Variants in ZBTB40 observed in about 807,000 individuals in gnomAD.
ZBTB40 encodes the protein zinc finger and BTB domain-containing protein 40.
In ZBTB40, 60 loss-of-function variants were observed where a neutral mutation model predicts 117.5. The ratio of observed to expected loss-of-function variants is 0.51; its 90% CI spans 0.41 to 0.63. The LOEUF (loss-of-function observed/expected upper bound fraction) is 0.63, where lower values mean the gene tolerates loss of function less well. ZBTB40 is among the 30% of genes least tolerant of loss of function. The probability of loss-of-function intolerance (pLI) is 0.00; values close to 1 mark genes in which losing one functional copy is unlikely to be tolerated. For synonymous variants in ZBTB40, 525 were observed against 577.1 expected (o/e 0.91, Z 1.29); for missense variants, 1,287 against 1,498.5 (o/e 0.86, Z 2.33).
intron 1 of ZBTB40, among the ~76,000 whole-genome samples, chr1:22,470,663 T>C (rs12028744): frequency 0.057 from 8,611 of 152,258 alleles, 770 homozygotes; most frequent in East Asian, 0.38. Context: ...ATTAGATACC[T>C]GCCAAAAGTT....
At chr1:22,487,875 C>T (rs1267607645) in intron 1 of ZBTB40, among the ~76,000 whole-genome samples, 1 of 152,100 alleles carries the variant, frequency 6.6e-6, no homozygotes, top group East Asian at 1.9e-4. Flanking sequence ...GTGGCCAACA[C>T]CCCTGCCTGC....
Position 22,513,198 on chromosome 1 carries a change from T to G in ZBTB40, c.2668+68T>G. On this transcript the variant is annotated intron_variant, in intron 12 of 17. Transcript: ENST00000375647. The surrounding 1 kb of genome is among the most constrained non-coding windows in gnomAD (Gnocchi z 4.9). ...CGAACTGCCTAAACCCCATTTGGAT[T>G]AGGTGTGATATATATCTCAAAAACA... is the stretch of plus-strand genomic sequence containing the variant. 6.5e-7 allele frequency: 1 copy of G among 1,534,774 alleles called. No homozygotes were observed. Among genetic ancestry groups the G allele is most frequent in the Non-Finnish European group, 8.9e-7 (1 of 1,127,846 alleles).
At chr1:22,439,396 A>G (rs1422487257) in intron 1 of ZBTB40, among the ~76,000 whole-genome samples, 1 of 152,134 alleles carries the variant, frequency 6.6e-6, no homozygotes, top group African/African-American at 2.4e-5. Flanking sequence ...CTTTGCCATC[A>G]TATTCAAGAA....
At chr1:22,515,134 G>A (rs1432441049) in intron 12 of ZBTB40, among the ~76,000 whole-genome samples, 1 of 152,214 alleles carries the variant, frequency 6.6e-6, no homozygotes, top group Non-Finnish European at 1.5e-5. Context: ...CAAAGTGAGA[G>A]ATGGAGCCAG....
chr1:22,429,286 G>A (rs1640545465), intron 1 of ZBTB40, among the ~76,000 whole-genome samples: 1 of 152,090 alleles, frequency 6.6e-6, no homozygotes, highest in Non-Finnish European at 1.5e-5. Flanking sequence ...GGAGGCTGAG[G>A]CAGGAGAATG....
At chr1:22,453,719 A>G (rs1640939214) in intron 1 of ZBTB40, among the ~76,000 whole-genome samples, 1 of 152,216 alleles carries the variant, frequency 6.6e-6, no homozygotes, top group Non-Finnish European at 1.5e-5. Flanking sequence ...TCGAGGTTAC[A>G]TAGCTAAGGC....
intron 1 of ZBTB40, among the ~76,000 whole-genome samples, chr1:22,471,994 G>C (rs571401760): frequency 1.3e-5 from 2 of 152,300 alleles, no homozygotes; most frequent in South Asian, 4.2e-4. Flanking sequence ...AATAATTCCA[G>C]GGGCTGGCTG....
At chr1:22,432,370 G>T (rs1156983614) in intron 1 of ZBTB40, among the ~76,000 whole-genome samples, 1 of 152,258 alleles carries the variant, frequency 6.6e-6, no homozygotes, top group Admixed American at 6.5e-5. Context: ...CCCTTCCTTG[G>T]GTACACTCAG....
chr1:22,511,928 A>T lies in ZBTB40; in HGVS notation c.2255A>T (p.Lys752Met), dbSNP rs1225836028. 1.2e-5 allele frequency: 19 copies of T among 1,614,214 alleles called. No homozygotes were observed. Among genetic ancestry groups the T allele is most frequent in the Non-Finnish European group, 1.6e-5 (19 of 1,180,036 alleles). The change falls in exon 11 of 18, where the codon AAG becomes ATG. Residue 752 changes from lysine to methionine, a missense_variant. Coordinates refer to ENST00000375647, the MANE Select transcript of ZBTB40 (RefSeq NM_014870.4). ...AGCTTCCATTTCTACTGCCGCCTAA[A>T]GGTGCACATGAAGCGCTGCCGGGTG... is the stretch of plus-strand genomic sequence containing the variant. ...DKSFHFYCRL[K>M]VHMKRCRVAK...
chr1:22,448,145 G>C (rs1640810563), upstream of ZBTB40, among the ~76,000 whole-genome samples: 1 of 152,194 alleles, frequency 6.6e-6, no homozygotes, highest in Non-Finnish European at 1.5e-5. Flanking sequence ...GAAAGAACCA[G>C]CTTTGGGGAA....
chr1:22,469,841 C>T (rs1031062511), intron 1 of ZBTB40, among the ~76,000 whole-genome samples: 1 of 152,098 alleles, frequency 6.6e-6, no homozygotes, highest in Non-Finnish European at 1.5e-5. Flanking sequence ...CCGGCCCCAC[C>T]TTATAGTTCT....
chr1:22,444,194 C>G (rs1339602354), intron 1 of ZBTB40, among the ~76,000 whole-genome samples: 5 of 152,130 alleles, frequency 3.3e-5, no homozygotes, highest in Non-Finnish European at 5.9e-5. Context: ...AAGTGGATCA[C>G]TTGAGGTCAG....
chr1:22,468,810 A>G lies in ZBTB40; in HGVS notation c.-70+16806A>G, dbSNP rs371226252. On this transcript the variant is annotated intron_variant, in intron 1 of 17. Transcript: ENST00000375647. ...TGCCATGCTTGGTGTTTCCTTATTG[A>G]TTTGTATAATCTTTCTTTTTTGGTT... Among the ~76,000 whole-genome samples the G allele has an allele frequency of 2.0e-4, 28 of 142,606 alleles. No individual in the cohort carries two copies. In the East Asian group the frequency reaches 2.2e-3, roughly 11 times the overall value. The allele number at this position is 142,606 out of a possible 152,430, so 93.6% of individuals were successfully genotyped here. A position where few individuals can be genotyped will look rare whatever the true frequency, so the allele number is the denominator to read the frequency against.
Position 22,491,542 on chromosome 1 carries a change from C to T in ZBTB40, c.831+9C>T, listed in dbSNP as rs373052189. On this transcript the variant is annotated intron_variant, in intron 3 of 17. Transcript: ENST00000375647. The stretch of plus-strand genomic sequence containing the variant: ...AAGGTCCACAGAAGGAGGTAGGCAC[C>T]TCTGACTTTTGTACTTGTTTGCTAG... 6.2e-6 allele frequency: 10 copies of T among 1,613,604 alleles called. No individual in the cohort carries two copies. In the African/African-American group the frequency reaches 1.2e-4, roughly 19 times the overall value.
chr1:22,490,936 C>T (rs1487486107), intron 2 of ZBTB40, among the ~76,000 whole-genome samples: 1 of 152,206 alleles, frequency 6.6e-6, no homozygotes, highest in Non-Finnish European at 1.5e-5. Context: ...TGTTCTGTTG[C>T]CCAGGCTGAA....
intron 1 of ZBTB40, among the ~76,000 whole-genome samples, chr1:22,440,616 A>G (rs1273165164): frequency 6.6e-6 from 1 of 151,852 alleles, no homozygotes; most frequent in Non-Finnish European, 1.5e-5. Context: ...CATTTTTTAT[A>G]TATGGCTTTT....
rs1466760613 is a variant in ZBTB40 at position 22,526,086 on chromosome 1, GCT to G, written c.3526-112_3526-111del. 8 of 1,230,314 alleles carry G rather than the reference GCT, an allele frequency of 6.5e-6. No homozygotes were observed. The Admixed American group carries it at 1.5e-4, about 24-fold the overall frequency. 76.2% of individuals were successfully genotyped at this position (1,230,314 alleles called of 1,614,324 possible). A position where few individuals can be genotyped will look rare whatever the true frequency, so the allele number is the denominator to read the frequency against. ...CTCTTCCCATTAGGCACATGTAAGT[GCT>G]CTCCTCAGGTGAAAACATAAATATC... On this transcript the variant is annotated intron_variant, in intron 17 of 17. Transcript: ENST00000375647.
rs748909300 is a variant in ZBTB40 at position 22,489,941 on chromosome 1, T to A, written c.-8T>A. The A allele has an allele frequency of 3.1e-6, 5 of 1,609,064 alleles. No homozygotes were observed. Among genetic ancestry groups the A allele is most frequent in the Non-Finnish European group, 2.5e-6 (3 of 1,179,910 alleles). On this transcript the variant is annotated 5_prime_UTR_variant, in exon 2 of 18. In the 5' UTR this introduces an upstream ATG that the reference lacks. Coordinates refer to ENST00000375647, the MANE Select transcript of ZBTB40 (RefSeq NM_014870.4). ...AGGAAGAGCAGTTCTTGGGGCAGAGTTGACGCAATGGAGCTCCCCAACTAC... is the reference window on the plus strand; with the variant it reads ...AGGAAGAGCAGTTCTTGGGGCAGAGATGACGCAATGGAGCTCCCCAACTAC...
chr1:22,466,080 T>A (rs1489105575), intron 1 of ZBTB40, among the ~76,000 whole-genome samples: 1 of 152,232 alleles, frequency 6.6e-6, no homozygotes, highest in Non-Finnish European at 1.5e-5. Flanking sequence ...TTTCTGTCTC[T>A]ATGGATTTGC....
Sources: gnomAD v4.1 joint callset for allele counts (sites outside exome capture counted in the v4.1 genomes callset) on GRCh38, gnomAD v4.1.1 for gene constraint, Gnocchi (gnomAD v3.1) non-coding constraint, MANE v1.5 for transcripts, NCBI Gene and HGNC (gene_info 2026-07-23, HGNC 2026-07-21) for gene names.